Variants in R3HDM1 observed in about 807,000 individuals in gnomAD.
R3HDM1 encodes the protein R3H domain containing 1.
A neutral mutation model predicts 141.1 loss-of-function variants in R3HDM1; 46 were observed. The ratio of observed to expected loss-of-function variants is 0.33; its 90% CI spans 0.26 to 0.42. R3HDM1 has a LOEUF of 0.42. Ranked by LOEUF, R3HDM1 falls within the 10% of genes least tolerant of loss-of-function variation. R3HDM1 has a pLI of 1.00. For missense variants in R3HDM1, 1,184 were observed against 1,368.3 expected (o/e 0.87, Z 2.12); for synonymous variants, 435 against 472.9 (o/e 0.92, Z 1.04).
chr2:135,663,132 G>GA (rs1335215713), intron 19 of R3HDM1, among the ~76,000 whole-genome samples: 1 of 103,768 alleles, frequency 9.6e-6, no homozygotes, highest in East Asian at 3.2e-4. Context: ...ATGCCTCTCT[G>GA]CCAAAAAAAA....
chr2:135,553,618 T>C (rs554832194), intron 1 of R3HDM1, among the ~76,000 whole-genome samples: 5 of 152,370 alleles, frequency 3.3e-5, no homozygotes, highest in South Asian at 4.1e-4. Flanking sequence ...ACCTGACTTA[T>C]ATGAATCATG....
At chr2:135,573,807 G>A (rs757717437) in intron 1 of R3HDM1, among the ~76,000 whole-genome samples, 2 of 152,054 alleles carry the variant, frequency 1.3e-5, no homozygotes, top group Non-Finnish European at 2.9e-5. Context: ...CAAATAATTG[G>A]CAGGACTTTG....
chr2:135,547,773 T>C (rs1381171826), intron 1 of R3HDM1, among the ~76,000 whole-genome samples: 8 of 144,932 alleles, frequency 5.5e-5, no homozygotes, highest in African/African-American at 7.7e-5. Flanking sequence ...TTTTCTTTTT[T>C]TTTTTTTTTT....
intron 21 of R3HDM1, among the ~76,000 whole-genome samples, chr2:135,708,339 T>A (rs1357658761): frequency 4.6e-5 from 7 of 152,222 alleles, no homozygotes; most frequent in Admixed American, 4.6e-4. Context: ...GTTTCCCATA[T>A]TCTGGATTTT....
At chr2:135,585,885 A>C (rs1707790666) in intron 1 of R3HDM1, among the ~76,000 whole-genome samples, 2 of 152,160 alleles carry the variant, frequency 1.3e-5, no homozygotes, top group Admixed American at 6.5e-5. Flanking sequence ...CTGTTAATTC[A>C]TTTTCTTTGT....
At position 135,706,270 on chromosome 2, in the gene R3HDM1, G is replaced by T. The variant is rs573229640; in HGVS notation, c.2460-3163G>T. On this transcript the variant is annotated intron_variant, in intron 21 of 26. Coordinates refer to ENST00000683871, the MANE Select transcript of R3HDM1 (RefSeq NM_001378107.1). ...TAGAGAAGAGGCAGCTCCTAAACAG[G>T]AAAAAAATATTGGTAATAATTTTTA... is the stretch of plus-strand genomic sequence containing the variant. 2.6e-5 allele frequency among the ~76,000 whole-genome samples: 4 copies of T among 151,734 alleles called. No individual in the cohort carries two copies. In the East Asian group the frequency reaches 7.7e-4, roughly 29 times the overall value.
chr2:135,591,262 T>C (rs1191367245), intron 1 of R3HDM1, among the ~76,000 whole-genome samples: 1 of 152,182 alleles, frequency 6.6e-6, no homozygotes, highest in Non-Finnish European at 1.5e-5. Flanking sequence ...GGATTTTCAT[T>C]GTGACCCTAT....
chr2:135,660,827 C>A (rs2105306044), intron 18 of R3HDM1, among the ~76,000 whole-genome samples: 1 of 138,058 alleles, frequency 7.2e-6, no homozygotes, highest in Middle Eastern at 4.5e-3. Context: ...ACCTGGGCGA[C>A]AGAATGAGAC....
In R3HDM1 at chr2:135,631,700, C is replaced by T. The variant is rs2062735093; in HGVS notation, c.498-18C>T. On this transcript the variant is annotated intron_variant, in intron 7 of 26. Transcript: ENST00000683871. ...ATTGCTAAGTTTTACATATAAGAGT[C>T]TTCATACTTTGTTTCAGGGACAGAA... 1.3e-6 allele frequency: 2 copies of T among 1,553,546 alleles called. No individual in the cohort carries two copies. The highest frequency in any genetic ancestry group is 1.7e-6 in the Non-Finnish European group (2 of 1,154,722).
chr2:135,568,588 G>A (rs538996920), intron 1 of R3HDM1, among the ~76,000 whole-genome samples: 2 of 152,138 alleles, frequency 1.3e-5, no homozygotes, highest in East Asian at 1.9e-4. Flanking sequence ...GACCTCAGGT[G>A]ATCTACCCGC....
chr2:135,711,556 A>G (rs1368108166), intron 23 of R3HDM1, among the ~76,000 whole-genome samples: 3 of 151,862 alleles, frequency 2.0e-5, no homozygotes, highest in African/African-American at 7.3e-5. Context: ...CCAGCCACTC[A>G]GGAGGCTGAG....
chr2:135,571,622 G>T (rs150499818), intron 1 of R3HDM1, among the ~76,000 whole-genome samples: 1 of 150,370 alleles, frequency 6.7e-6, no homozygotes, highest in Non-Finnish European at 1.5e-5. Context: ...CACTGCACCC[G>T]GCCTAATTTT....
chr2:135,596,989 G>A, intron 1 of R3HDM1: 1 of 977,546 alleles, frequency 1.0e-6, no homozygotes, highest in Non-Finnish European at 1.2e-6. Flanking sequence ...TTCTAAAGTG[G>A]ATCACAATGT....
chr2:135,702,084 C>CT (rs2074268447), intron 21 of R3HDM1, among the ~76,000 whole-genome samples: 1 of 152,126 alleles, frequency 6.6e-6, no homozygotes, highest in South Asian at 2.1e-4. Flanking sequence ...ACTCAAGTGT[C>CT]TATCAACAGG....
chr2:135,654,484 T>G (rs1414812182), intron 18 of R3HDM1, among the ~76,000 whole-genome samples: 1 of 152,048 alleles, frequency 6.6e-6, no homozygotes, highest in Non-Finnish European at 1.5e-5. Context: ...AGAGTCTCTT[T>G]GTTGCCCAGG....
chr2:135,723,273 C>T (rs2076871026), intron 26 of R3HDM1, among the ~76,000 whole-genome samples: 4 of 151,758 alleles, frequency 2.6e-5, no homozygotes, highest in Non-Finnish European at 5.9e-5. Flanking sequence ...AGTCGCCCAC[C>T]AGCACGCCCA....
At chr2:135,718,020 A>C (rs907163618) in intron 24 of R3HDM1, among the ~76,000 whole-genome samples, 2 of 152,246 alleles carry the variant, frequency 1.3e-5, no homozygotes, top group African/African-American at 2.4e-5. Context: ...TGAACAAAGC[A>C]AGCTACTGAC....
intron 4 of R3HDM1, 47 bp downstream of exon 4, chr2:135,616,240 A>G (rs1160706812): frequency 9.8e-6 from 15 of 1,531,880 alleles, no homozygotes; most frequent in Non-Finnish European, 1.4e-5. Context: ...GCCTTCCTTC[A>G]TGCTTGATGA....
chr2:135,677,664 T>C (rs2069436945), intron 20 of R3HDM1, among the ~76,000 whole-genome samples: 1 of 152,222 alleles, frequency 6.6e-6, no homozygotes, highest in South Asian at 2.1e-4. Context: ...ATTTTCTCAT[T>C]GTATTTAATG....
Sources: allele counts gnomAD v4.1 joint callset (sites outside exome capture counted in the v4.1 genomes callset), GRCh38; gene constraint gnomAD v4.1.1; transcripts MANE v1.5; gene names NCBI Gene and HGNC (gene_info 2026-07-23, HGNC 2026-07-21).